Variants in CREB1 observed in about 807,000 individuals in gnomAD.
CREB1 encodes the protein cyclic AMP-responsive element-binding protein 1.
In CREB1, 2 loss-of-function variants were observed where a neutral mutation model predicts 42.0. The ratio of observed to expected loss-of-function variants is 0.05; its 90% CI spans 0.02 to 0.15. The LOEUF is 0.15. Ranked by LOEUF, CREB1 falls within the 10% of genes least tolerant of loss-of-function variation. The pLI, the probability that CREB1 is intolerant of heterozygous loss-of-function variation, is 1.00. For missense variants in CREB1, 199 were observed against 388.9 expected (o/e 0.51, Z 4.11); for synonymous variants, 123 against 139.9 (o/e 0.88, Z 0.85).
At chr2:207,569,822 T>A (rs746396192) in intron 4 of CREB1, among the ~76,000 whole-genome samples, 2 of 151,892 alleles carry the variant, frequency 1.3e-5, no homozygotes, top group Non-Finnish European at 2.9e-5. Flanking sequence ...GGCGGGTGGA[T>A]CACATGAGGT....
chr2:207,587,923 T>C (rs1167218850), intron 7 of CREB1, among the ~76,000 whole-genome samples: 1 of 152,156 alleles, frequency 6.6e-6, no homozygotes, highest in Admixed American at 6.5e-5. Context: ...TTGTGTATTT[T>C]CACAAAGCTA....
Position 207,556,863 on chromosome 2 carries a change from G to A in CREB1, c.114+1114G>A, listed in dbSNP as rs577369406. Among the ~76,000 whole-genome samples the A allele has an allele frequency of 2.6e-4, 40 of 152,296 alleles. No individual in the cohort carries two copies. The South Asian group carries it at 6.8e-3, about 26-fold the overall frequency. On this transcript the variant is annotated intron_variant, in intron 2 of 7. Transcript: ENST00000353267. ...AGGAAGACACAATGCTAGGCCGGGCGCTGTGGCTCACGCCTATAATCCAAA... is the reference window on the plus strand; with the variant it reads ...AGGAAGACACAATGCTAGGCCGGGCACTGTGGCTCACGCCTATAATCCAAA...
rs368788833 is a variant in CREB1, at chr2:207,604,805, C to T, written c.*7747C>T. Reference sequence around the variant, plus strand: ...CTTCCTGTTTCTTTGGATTTACATCCGGGTATTTCATGTGAGACTCATACA... The same window carrying T: ...CTTCCTGTTTCTTTGGATTTACATCTGGGTATTTCATGTGAGACTCATACA... On this transcript the variant is annotated 3_prime_UTR_variant, in exon 8 of 8. Coordinates refer to ENST00000353267, the MANE Select transcript of CREB1 (RefSeq NM_004379.5). Among the ~76,000 whole-genome samples, 1 of 152,260 alleles carries T rather than the reference C, an allele frequency of 6.6e-6. No homozygotes were observed. The highest frequency in any genetic ancestry group is 2.4e-5 in the African/African-American group (1 of 41,552).
In CREB1 at chr2:207,551,594, C is replaced by G. The variant is rs376404630; in HGVS notation, c.-8-4034C>G. Among the ~76,000 whole-genome samples the G allele has an allele frequency of 2.0e-5, 3 of 152,168 alleles. 1 individual carries two copies. The highest frequency in any genetic ancestry group is 7.2e-5 in the African/African-American group (3 of 41,512). On this transcript the variant is annotated intron_variant, in intron 1 of 7. Coordinates refer to ENST00000353267, the MANE Select transcript of CREB1 (RefSeq NM_004379.5). ...GGGAATATCTCTATTTGCCTAGGATCAAGAGGCTAGGTGACCTCTTACTCA... is the reference window on the plus strand; with the variant it reads ...GGGAATATCTCTATTTGCCTAGGATGAAGAGGCTAGGTGACCTCTTACTCA...
At chr2:207,549,535 T>C (rs1164738979) in intron 1 of CREB1, among the ~76,000 whole-genome samples, 2 of 152,210 alleles carry the variant, frequency 1.3e-5, no homozygotes, top group Non-Finnish European at 2.9e-5. Flanking sequence ...CTGAACATTA[T>C]AACACTTTAG....
chr2:207,571,879 C>T (rs2082379829), intron 5 of CREB1: 1 of 347,372 alleles, frequency 2.9e-6, no homozygotes, highest in Admixed American at 3.6e-5. Context: ...TACCAGCACC[C>T]CCATAGATGT....
At chr2:207,589,574 A>ATG (rs948160622) in intron 7 of CREB1, among the ~76,000 whole-genome samples, 4 of 152,188 alleles carry the variant, frequency 2.6e-5, no homozygotes, top group Admixed American at 1.3e-4. Context: ...ACCTTAAGTA[A>ATG]TGTAATAGCT....
At position 207,603,692 on chromosome 2, in the gene CREB1, T is replaced by TACG. The variant is rs1048682130; in HGVS notation, c.*6637_*6639dup. Reference sequence around the variant, plus strand: ...ACTGTCAAGATGACTAATGGAGACATACGACCAGCTGTGTCTGATGTCATA... The same window carrying TACG: ...ACTGTCAAGATGACTAATGGAGACATACGACGACCAGCTGTGTCTGATGTCATA... On this transcript the variant is annotated 3_prime_UTR_variant, in exon 8 of 8. Coordinates refer to ENST00000353267, the MANE Select transcript of CREB1 (RefSeq NM_004379.5). 2.0e-5 allele frequency among the ~76,000 whole-genome samples: 3 copies of TACG among 152,180 alleles called. No individual in the cohort carries two copies. The highest frequency in any genetic ancestry group is 7.2e-5 in the African/African-American group (3 of 41,442).
chr2:207,533,466 T>G (rs1007048747), intron 1 of CREB1, among the ~76,000 whole-genome samples: 3 of 152,188 alleles, frequency 2.0e-5, no homozygotes, highest in African/African-American at 7.2e-5. Context: ...AAATTCTACT[T>G]TTTATAACAG....
intron 7 of CREB1, chr2:207,581,229 G>A (rs1391957010): frequency 4.9e-6 from 1 of 204,602 alleles, no homozygotes; most frequent in Non-Finnish European, 1.0e-5. Context: ...CTAATGAGTT[G>A]AGGGATATAA....
intron 5 of CREB1, among the ~76,000 whole-genome samples, chr2:207,571,003 T>C (rs1174009291): frequency 6.9e-6 from 1 of 145,646 alleles, no homozygotes; most frequent in Non-Finnish European, 1.5e-5. Context: ...GTGTGAATGG[T>C]ACTTTTTTCT....
chr2:207,554,569 G>T (rs936155006), intron 1 of CREB1, among the ~76,000 whole-genome samples: 2 of 152,114 alleles, frequency 1.3e-5, no homozygotes, highest in Non-Finnish European at 2.9e-5. Context: ...TGCTTCCCCA[G>T]TTACCAGAGA....
rs999259517 is a variant in CREB1, at chr2:207,602,335, T to C, written c.*5277T>C. The C allele has an allele frequency of 3.5e-5, 7 of 199,704 alleles. No individual in the cohort carries two copies. Among genetic ancestry groups the C allele is most frequent in the African/African-American group, 1.6e-4 (7 of 43,472 alleles). 12.4% of individuals were successfully genotyped at this position (199,704 alleles called of 1,614,324 possible). The stretch of plus-strand genomic sequence containing the variant: ...CACAGAAAGAAAATACTGACCTGTC[T>C]GCATTCTGGTACGGTGGGTGCAGGT... On this transcript the variant is annotated 3_prime_UTR_variant, in exon 8 of 8. Coordinates refer to ENST00000353267, the MANE Select transcript of CREB1 (RefSeq NM_004379.5).
intron 5 of CREB1, among the ~76,000 whole-genome samples, chr2:207,574,287 A>C (rs139191602): frequency 8.5e-5 from 13 of 152,348 alleles, no homozygotes; most frequent in Middle Eastern, 3.4e-3. Context: ...TTACTCAGTT[A>C]AAATCAGTTT....
At chr2:207,592,367 C>T (rs1243121671) in intron 7 of CREB1, among the ~76,000 whole-genome samples, 1 of 152,126 alleles carries the variant, frequency 6.6e-6, no homozygotes, top group Non-Finnish European at 1.5e-5. Context: ...GATCACGCCA[C>T]TGCACTCCAG....
chr2:207,543,836 C>T (rs1260934840), intron 1 of CREB1, among the ~76,000 whole-genome samples: 2 of 152,152 alleles, frequency 1.3e-5, no homozygotes, highest in African/African-American at 2.4e-5. Context: ...ATTTCTTGAC[C>T]TTGTGATCTG....
chr2:207,544,814 A>G (rs2081236250), intron 1 of CREB1, among the ~76,000 whole-genome samples: 1 of 152,114 alleles, frequency 6.6e-6, no homozygotes, highest in Admixed American at 6.6e-5. Flanking sequence ...AAATGAGAAC[A>G]TGCGGTATTT....
intron 7 of CREB1, chr2:207,581,518 A>G (rs1036620093): frequency 9.4e-6 from 2 of 213,012 alleles, no homozygotes; most frequent in Admixed American, 5.8e-5. Flanking sequence ...TAAAAATTGA[A>G]TTACTTCTAA....
chr2:207,593,969 T>C (rs1165471564), intron 7 of CREB1, among the ~76,000 whole-genome samples: 1 of 152,170 alleles, frequency 6.6e-6, no homozygotes, highest in Non-Finnish European at 1.5e-5. Flanking sequence ...TCTGCCTGCC[T>C]CAGCCTCCCA....
Sources: allele counts gnomAD v4.1 joint callset (sites outside exome capture counted in the v4.1 genomes callset), GRCh38; gene constraint gnomAD v4.1.1; transcripts MANE v1.5; gene names NCBI Gene and HGNC (gene_info 2026-07-23, HGNC 2026-07-21).